The following SREBF2 variants were observed in gnomAD, a reference collection of about 807,000 sequenced individuals.
The protein encoded by SREBF2 is sterol regulatory element-binding protein 2.
SREBF2 carries 55 observed loss-of-function variants against 113.1 expected under a neutral mutation model. The observed-to-expected ratio is 0.49, with a 90% confidence interval of 0.39 to 0.61. The LOEUF (loss-of-function observed/expected upper bound fraction) is 0.61, where lower values mean the gene tolerates loss of function less well. SREBF2 is among the 20% of genes least tolerant of loss of function. SREBF2 has a pLI of 0.00. For missense variants in SREBF2, 1,349 were observed against 1,487.4 expected (o/e 0.91, Z 1.53); for synonymous variants, 593 against 605.7 (o/e 0.98, Z 0.31).
At chr22:41,873,320 AGT>A (rs2077164043) in intron 4 of SREBF2, among the ~76,000 whole-genome samples, 1 of 152,204 alleles carries the variant, frequency 6.6e-6, no homozygotes, top group African/African-American at 2.4e-5. Flanking sequence ...TCTTATTGAG[AGT>A]GTCACTTCTG....
chr22:41,860,655 G>T (rs1346800778), intron 1 of SREBF2, among the ~76,000 whole-genome samples: 1 of 152,132 alleles, frequency 6.6e-6, no homozygotes, highest in African/African-American at 2.4e-5. Context: ...AAGTCAAGAG[G>T]ATCGCTTGAG....
In SREBF2 at chr22:41,905,719, A is replaced by C; in HGVS notation, c.*59A>C. The C allele has an allele frequency of 6.7e-7, 1 of 1,496,660 alleles. No individual in the cohort carries two copies. The highest frequency in any genetic ancestry group is 9.1e-7 in the Non-Finnish European group (1 of 1,098,094). 92.7% of individuals were successfully genotyped at this position (1,496,660 alleles called of 1,614,324 possible). A position where few individuals can be genotyped will look rare whatever the true frequency, so the allele number is the denominator to read the frequency against. On this transcript the variant is annotated 3_prime_UTR_variant, in exon 19 of 19. Coordinates refer to ENST00000361204, the MANE Select transcript of SREBF2 (RefSeq NM_004599.4). Reference sequence around the variant, plus strand: ...TCGATTTCTCTCTCTCCCCCTCAGCATCTTCCCGCTGAGAGTGGTGGGGAA... The same window carrying C: ...TCGATTTCTCTCTCTCCCCCTCAGCCTCTTCCCGCTGAGAGTGGTGGGGAA...
At chr22:41,850,527 G>A (rs2076918284) in intron 1 of SREBF2, among the ~76,000 whole-genome samples, 1 of 151,680 alleles carries the variant, frequency 6.6e-6, no homozygotes, top group African/African-American at 2.4e-5. Context: ...TTGTCACTCC[G>A]AGTCTGTCTT....
rs138717964 is a variant in SREBF2, at chr22:41,896,918, C to G, written c.2496-134C>G. On this transcript the variant is annotated intron_variant, in intron 13 of 18. Coordinates refer to ENST00000361204, the MANE Select transcript of SREBF2 (RefSeq NM_004599.4). The stretch of plus-strand genomic sequence containing the variant: ...AAAGGGTACACATAGACAGCGCTTG[C>G]GTGTGCCTGGGATGACAGGAAAGGG... 594 of 670,078 alleles carry G rather than the reference C, an allele frequency of 8.9e-4. 6 individuals are homozygous for G. The East Asian group carries it at 0.014, about 16-fold the overall frequency. The allele number at this position is 670,078 out of a possible 1,614,324, so 41.5% of individuals were successfully genotyped here.
chr22:41,842,357 GA>G (rs2076838452), intron 1 of SREBF2, among the ~76,000 whole-genome samples: 1 of 152,116 alleles, frequency 6.6e-6, no homozygotes, highest in African/African-American at 2.4e-5. Flanking sequence ...CTTTTTGACT[GA>G]AAAAGTTAGC....
intron 7 of SREBF2, among the ~76,000 whole-genome samples, chr22:41,876,783 C>A (rs1043637577): frequency 3.9e-5 from 6 of 152,154 alleles, no homozygotes; most frequent in Non-Finnish European, 5.9e-5. Context: ...TCACTGTAAT[C>A]AAGATATAGA....
chr22:41,863,844 C>A (rs901878217), intron 1 of SREBF2, among the ~76,000 whole-genome samples: 1 of 152,034 alleles, frequency 6.6e-6, no homozygotes, highest in Non-Finnish European at 1.5e-5. Flanking sequence ...AAAGCCCCAG[C>A]AGCTTTATTT....
Position 41,866,929 on chromosome 22 carries a change from A to AGCAGCGGCAGCAGTG in SREBF2, c.193_207dup (p.Gly65_Ser69dup), listed in dbSNP as rs774079185. ...TCCTGGCAGTGGTGGTAGTGGTAGC[A>AGCAGCGGCAGCAGTG]GCAGCGGCAGCAGTGGCAGCAGCAG... On this transcript the variant is annotated inframe_insertion, in exon 2 of 19. Transcript: ENST00000361204. 5.6e-6 allele frequency: 9 copies of AGCAGCGGCAGCAGTG among 1,613,312 alleles called. No homozygotes were observed. In the African/African-American group the frequency reaches 9.4e-5, roughly 17 times the overall value.
At chr22:41,844,033 TACACAC>T (rs71311415) in intron 1 of SREBF2, among the ~76,000 whole-genome samples, 28 of 123,142 alleles carry the variant, frequency 2.3e-4, no homozygotes, top group Admixed American at 5.6e-4. Flanking sequence ...AAAAAATACA[TACACAC>T]ACACACACAC....
chr22:41,885,065 A>G, intron 11 of SREBF2, 54 bp downstream of exon 11: 1 of 1,602,590 alleles, frequency 6.2e-7, no homozygotes, highest in Non-Finnish European at 8.5e-7. Flanking sequence ...TTACCTAGCC[A>G]GGAGTTAAGA....
intron 13 of SREBF2, 104 bp downstream of exon 13, chr22:41,895,041 G>A (rs998558643): frequency 2.1e-5 from 18 of 850,292 alleles, no homozygotes; most frequent in East Asian, 7.8e-5. Flanking sequence ...GCCTGGCATC[G>A]GGTTGGCAGG....
chr22:41,868,181 T>C (rs936238173), intron 2 of SREBF2, among the ~76,000 whole-genome samples: 1 of 152,208 alleles, frequency 6.6e-6, no homozygotes, highest in Non-Finnish European at 1.5e-5. Context: ...AAGAATCTTA[T>C]AGTTCTTCAA....
intron 1 of SREBF2, among the ~76,000 whole-genome samples, chr22:41,862,192 A>G (rs2077033497): frequency 6.6e-6 from 1 of 152,128 alleles, no homozygotes. Flanking sequence ...AGCTGAGCAA[A>G]GTGATATTTA....
At chr22:41,888,336 A>T (rs879392215) in intron 11 of SREBF2, among the ~76,000 whole-genome samples, 3 of 152,216 alleles carry the variant, frequency 2.0e-5, no homozygotes, top group Non-Finnish European at 4.4e-5. Context: ...GGAGTGCAAG[A>T]TCTGTTTTTC....
rs377067693 is a variant in SREBF2, at chr22:41,894,958, C to T, written c.2495+21C>T. 119 of 1,603,068 alleles carry T rather than the reference C, an allele frequency of 7.4e-5. No homozygotes were observed. The African/African-American group carries it at 1.3e-3, about 17-fold the overall frequency. ...AGCTGGTAAAGTCCCCAGACCAGTCCCCCTGCCTTAGGACCTGTCCACGCA... is the reference window on the plus strand; with the variant it reads ...AGCTGGTAAAGTCCCCAGACCAGTCTCCCTGCCTTAGGACCTGTCCACGCA... On this transcript the variant is annotated intron_variant, in intron 13 of 18. Transcript: ENST00000361204.
At chr22:41,847,936 G>A (rs1358805846) in intron 1 of SREBF2, among the ~76,000 whole-genome samples, 1 of 130,046 alleles carries the variant, frequency 7.7e-6, no homozygotes, top group Non-Finnish European at 1.6e-5. Context: ...TTTTTTTTGA[G>A]ACGGAGTCTC....
At chr22:41,864,521 C>T (rs972844360) in intron 1 of SREBF2, among the ~76,000 whole-genome samples, 2 of 150,812 alleles carry the variant, frequency 1.3e-5, no homozygotes, top group African/African-American at 2.4e-5. Context: ...GGGGTTTCAC[C>T]GTGTTAGCCA....
intron 15 of SREBF2, 113 bp downstream of exon 15, chr22:41,898,894 T>C: frequency 6.8e-7 from 1 of 1,473,278 alleles, no homozygotes; most frequent in Non-Finnish European, 9.2e-7. Context: ...CAGGACTGCA[T>C]GACAGGTGGG....
intron 1 of SREBF2, among the ~76,000 whole-genome samples, chr22:41,866,424 C>T (rs1373267725): frequency 6.6e-6 from 1 of 152,162 alleles, no homozygotes; most frequent in East Asian, 1.9e-4. Context: ...GTGCCGTGCA[C>T]CTATAGTCCC....
Sources: allele counts gnomAD v4.1 joint callset (sites outside exome capture counted in the v4.1 genomes callset), GRCh38; gene constraint gnomAD v4.1.1; transcripts MANE v1.5; gene names NCBI Gene and HGNC (gene_info 2026-07-23, HGNC 2026-07-21).